Variants in MTMR10 observed in about 807,000 individuals in gnomAD.
MTMR10 encodes myotubularin related protein 10.
Under a neutral mutation model 88.1 loss-of-function variants are expected in MTMR10, and 56 were observed. The observed-to-expected ratio is 0.64, with a 90% confidence interval of 0.51 to 0.79. MTMR10 has a LOEUF of 0.79. MTMR10 is among the 30% of genes least tolerant of loss of function. The pLI, the probability that MTMR10 is intolerant of heterozygous loss-of-function variation, is 0.00. For synonymous variants in MTMR10, 380 were observed against 340.9 expected, an observed-to-expected ratio of 1.11 and a Z score of -1.26; for missense variants, 883 against 924.7, an observed-to-expected ratio of 0.95 and a Z score of 0.58.
At chr15:30,954,659 TA>T in intron 10 of MTMR10, 103 bp downstream of exon 10, 1 of 1,182,998 alleles carries the variant, frequency 8.5e-7, no homozygotes, top group South Asian at 2.0e-5. Context: ...ATAGACTCCT[TA>T]AATATATCTA....
At chr15:30,944,565 C>CAAAAAAA (rs36025105) in intron 14 of MTMR10, among the ~76,000 whole-genome samples, 2 of 90,412 alleles carry the variant, frequency 2.2e-5, no homozygotes, top group Admixed American at 2.3e-4. Context: ...GACTCTGTCT[C>CAAAAAAA]AAAAAAAAAA....
chr15:30,926,233 A>G, the MTMR10 span, among the ~76,000 whole-genome samples: 2 of 152,098 alleles, frequency 1.3e-5, no homozygotes, highest in Non-Finnish European at 2.9e-5. Flanking sequence ...AGTGTGCTCA[A>G]CCCCACGGAC....
chr15:30,965,910 G>T, intron 6 of MTMR10: 1 of 375,680 alleles, frequency 2.7e-6, no homozygotes, highest in Middle Eastern at 3.6e-4. Flanking sequence ...TCCAGCCAAT[G>T]AATCAAGGTG....
At chr15:30,956,685 G>A (rs978923229) in intron 9 of MTMR10, among the ~76,000 whole-genome samples, 1 of 152,206 alleles carries the variant, frequency 6.6e-6, no homozygotes, top group African/African-American at 2.4e-5. Context: ...ACAAAAAAGA[G>A]GATCTGTTCT....
At chr15:30,945,745 C>T (rs1473546843) in intron 14 of MTMR10, among the ~76,000 whole-genome samples, 1 of 152,174 alleles carries the variant, frequency 6.6e-6, no homozygotes, top group Non-Finnish European at 1.5e-5. Context: ...GCCTCTAAGC[C>T]TGTATCACTG....
chr15:30,940,182 T>G lies in MTMR10; in HGVS notation c.*1288A>C. The G allele has an allele frequency of 5.1e-6, 5 of 985,264 alleles. No individual in the cohort carries two copies. The highest frequency in any genetic ancestry group is 6.0e-6 in the Non-Finnish European group (5 of 829,928). The allele number at this position is 985,264 out of a possible 1,614,324, so 61.0% of individuals were successfully genotyped here. A position where few individuals can be genotyped will look rare whatever the true frequency, so the allele number is the denominator to read the frequency against. The stretch of plus-strand genomic sequence containing the variant: ...CATGTTTTAAGCGGGGAATGAGGAG[T>G]GTGGGGGAGGTGGTGCCCCGTTTCA... On this transcript the variant is annotated 3_prime_UTR_variant, in exon 16 of 16. Transcript: ENST00000435680.
intron 6 of MTMR10, among the ~76,000 whole-genome samples, chr15:30,966,847 T>C (rs1856775750): frequency 6.9e-6 from 1 of 145,454 alleles, no homozygotes. Context: ...ATATTATCTC[T>C]ACTGTATTTT....
At chr15:30,920,407 G>C in the MTMR10 span, 1 of 632,690 alleles carries the variant, frequency 1.6e-6, no homozygotes, top group Non-Finnish European at 2.7e-6. Flanking sequence ...TTGTGGTGTA[G>C]AAAATTGTAC....
At chr15:30,930,573 C>T in the MTMR10 span, 1 of 1,610,672 alleles carries the variant, frequency 6.2e-7, no homozygotes, top group Non-Finnish European at 8.5e-7. Context: ...GGGCCCTGTG[C>T]TCAGTGGTGT....
the MTMR10 span, among the ~76,000 whole-genome samples, chr15:30,919,378 CA>C: frequency 0.58 from 43,467 of 75,074 alleles, 9,820 homozygotes; most frequent in East Asian, 0.91. Flanking sequence ...AACTCCGTCT[CA>C]AAAAAAAAAA....
chr15:30,942,541 C>T (rs1356651882), intron 15 of MTMR10: 6 of 312,538 alleles, frequency 1.9e-5, no homozygotes, highest in Non-Finnish European at 3.5e-5. Context: ...GTTATTAGGA[C>T]AAGAATATAG....
chr15:30,940,479 C>T lies in MTMR10; in HGVS notation c.*991G>A, dbSNP rs988517017. The stretch of plus-strand genomic sequence containing the variant: ...AGGACATCTGTGCAGGTGCCCAACT[C>T]GTAACCTCATTAGTTATTTCCAGGG... On this transcript the variant is annotated 3_prime_UTR_variant, in exon 16 of 16. Transcript: ENST00000435680. 24 of 985,466 alleles carry T rather than the reference C, an allele frequency of 2.4e-5. No individual in the cohort carries two copies. The highest frequency in any genetic ancestry group is 4.7e-5 in the South Asian group (1 of 21,286). The allele number at this position is 985,466 out of a possible 1,614,324, so 61.0% of individuals were successfully genotyped here. A position where few individuals can be genotyped will look rare whatever the true frequency, so the allele number is the denominator to read the frequency against.
Position 30,983,991 on chromosome 15 carries a change from A to G in MTMR10, c.121+6786T>C, listed in dbSNP as rs116847369. ...AATTGTAGAATGAAATCTTGAAGGA[A>G]GAAGAGCATTGAGATAGTAGAGAAT... On this transcript the variant is annotated intron_variant, in intron 2 of 15. Transcript: ENST00000435680. Among the ~76,000 whole-genome samples the G allele has an allele frequency of 7.0e-3, 1,063 of 152,310 alleles. 7 individuals are homozygous for G. Among genetic ancestry groups the G allele is most frequent in the Middle Eastern group, 0.02 (6 of 294 alleles).
intron 3 of MTMR10, among the ~76,000 whole-genome samples, chr15:30,976,508 T>C (rs1201712996): frequency 6.6e-6 from 1 of 152,206 alleles, no homozygotes; most frequent in Non-Finnish European, 1.5e-5. Context: ...CTTTTCTCTT[T>C]ATGTCATTTT....
At chr15:30,957,996 G>A (rs1234808800) in intron 9 of MTMR10, among the ~76,000 whole-genome samples, 5 of 152,172 alleles carry the variant, frequency 3.3e-5, no homozygotes, top group African/African-American at 1.2e-4. Flanking sequence ...GATGGGGAAG[G>A]GAAAGAAAGA....
chr15:30,976,841 G>A lies in MTMR10; in HGVS notation c.236C>T (p.Thr79Ile). ...ICSNFKISFI[T>I]DDPMPLQKFH... ...CACCTGTAATGGCATTGGGTCATCTGTAATAAAGGAGATTTTGAAGTTACT... is the reference window on the plus strand; with the variant it reads ...CACCTGTAATGGCATTGGGTCATCTATAATAAAGGAGATTTTGAAGTTACT... Residue 79 changes from threonine to isoleucine, a missense_variant, in exon 3 of 16, where the codon ACA becomes ATA. Physicochemically the swap from Thr to Ile is moderately conservative, Grantham distance 89. Transcript: ENST00000435680. The A allele has an allele frequency of 6.2e-7, 1 of 1,613,876 alleles. No individual in the cohort carries two copies. The highest frequency in any genetic ancestry group is 8.5e-7 in the Non-Finnish European group (1 of 1,179,824).
chr15:30,948,686 G>T, intron 12 of MTMR10: 2 of 573,926 alleles, frequency 3.5e-6, no homozygotes, highest in East Asian at 2.9e-5. Flanking sequence ...TTTTATACAT[G>T]GATATTTGCC....
chr15:30,933,976 G>T (rs2062786063), downstream of MTMR10, among the ~76,000 whole-genome samples: 1 of 152,068 alleles, frequency 6.6e-6, no homozygotes, highest in African/African-American at 2.4e-5. Context: ...TGCCCAGGCT[G>T]GTCTCAAACT....
In MTMR10 at chr15:30,959,121, G is replaced by A; in HGVS notation, c.759C>T (p.Cys253=). The A allele has an allele frequency of 6.4e-7, 1 of 1,564,720 alleles. No homozygotes were observed. The highest frequency in any genetic ancestry group is 8.6e-7 in the Non-Finnish European group (1 of 1,156,144). The change falls in exon 8 of 16, where the codon TGC becomes TGT. Residue 253 remains cysteine, a splice_region_variant and synonymous_variant. Transcript: ENST00000435680. The part of the protein sequence containing the change: ...SINEGYMIST[C]LPEYIVVPSS... ...TTGGCACTACAATGTATTCTGGAAG[G>A]CTGGAGGGGAAAAAAAAAATTATAT... is the stretch of plus-strand genomic sequence containing the variant.
Sources: allele counts gnomAD v4.1 joint callset (sites outside exome capture counted in the v4.1 genomes callset), GRCh38; gene constraint gnomAD v4.1.1; transcripts MANE v1.5; gene names NCBI Gene and HGNC (gene_info 2026-07-23, HGNC 2026-07-21).